ADCY8: variants seen among roughly 807,000 people sequenced by gnomAD.
The protein encoded by ADCY8 is adenylate cyclase type 8.
A neutral mutation model predicts 119.7 loss-of-function variants in ADCY8; 51 were observed. The ratio of observed to expected loss-of-function variants is 0.43; its 90% CI spans 0.34 to 0.54. ADCY8 has a LOEUF of 0.54. ADCY8 is among the 20% of genes least tolerant of loss of function. The pLI is 0.03. For missense variants in ADCY8, 1,383 were observed against 1,598.8 expected (o/e 0.87, Z 2.30); for synonymous variants, 665 against 651.0 (o/e 1.02, Z -0.33).
At chr8:130,893,820 GTGTGTT>G (rs1188240774) in intron 7 of ADCY8, among the ~76,000 whole-genome samples, 1 of 148,956 alleles carries the variant, frequency 6.7e-6, no homozygotes, top group Non-Finnish European at 1.5e-5. Flanking sequence ...TTATGCGTGT[GTGTGTT>G]TGTGGGTGTG....
chr8:130,851,271 T>A (rs565907935), intron 9 of ADCY8, among the ~76,000 whole-genome samples: 1 of 152,238 alleles, frequency 6.6e-6, no homozygotes, highest in Non-Finnish European at 1.5e-5. Context: ...AATGATGAAC[T>A]ATTATATAAT....
intron 2 of ADCY8, among the ~76,000 whole-genome samples, chr8:130,958,724 C>T (rs1170444342): frequency 6.6e-6 from 1 of 152,152 alleles, no homozygotes; most frequent in Non-Finnish European, 1.5e-5. Context: ...TTCCACCTGG[C>T]CCTGCCCTTG....
At chr8:131,010,872 A>G (rs1586653831) in intron 1 of ADCY8, among the ~76,000 whole-genome samples, 1 of 152,236 alleles carries the variant, frequency 6.6e-6, no homozygotes, top group East Asian at 1.9e-4. Context: ...AATATGATAC[A>G]TCCATTTACT....
chr8:131,040,500 A>G lies in ADCY8; in HGVS notation c.-167T>C, dbSNP rs1824358240. ...TAGGGCTCCCTGTAGGTCGGGTCAT[A>G]CTGTGCCCAGGGGCAAAGGGCACCT... is the stretch of plus-strand genomic sequence containing the variant. On this transcript the variant is annotated 5_prime_UTR_variant, in exon 1 of 18. Coordinates refer to ENST00000286355, the MANE Select transcript of ADCY8 (RefSeq NM_001115.3). 1.2e-6 allele frequency: 1 copy of G among 819,720 alleles called. No individual in the cohort carries two copies. The highest frequency in any genetic ancestry group is 1.7e-6 in the Non-Finnish European group (1 of 592,446). The allele number at this position is 819,720 out of a possible 1,614,324, so 50.8% of individuals were successfully genotyped here. A position where few individuals can be genotyped will look rare whatever the true frequency, so the allele number is the denominator to read the frequency against.
Position 130,867,838 on chromosome 8 carries a change from A to T in ADCY8, c.2210+8T>A. On this transcript the variant is annotated splice_region_variant and intron_variant, in intron 9 of 17. Transcript: ENST00000286355. ...TTTCACCAGATCAATTAGTTCTTTT[A>T]CATTTACCTTGAAGAAGGAAGCAAA... 1 of 1,587,700 alleles carries T rather than the reference A, an allele frequency of 6.3e-7. No individual in the cohort carries two copies. Among genetic ancestry groups the T allele is most frequent in the South Asian group, 1.1e-5 (1 of 89,492 alleles).
chr8:130,801,616 G>T (rs1209301765), intron 14 of ADCY8, among the ~76,000 whole-genome samples: 1 of 152,034 alleles, frequency 6.6e-6, no homozygotes, highest in African/African-American at 2.4e-5. Context: ...CTATCAACTA[G>T]GTTCTCTTCC....
intron 2 of ADCY8, among the ~76,000 whole-genome samples, chr8:130,969,274 T>C (rs1213452223): frequency 6.6e-6 from 1 of 152,216 alleles, no homozygotes; most frequent in Admixed American, 6.5e-5. Flanking sequence ...CTGCAGCAGA[T>C]GGCATTTTGA....
intron 12 of ADCY8, among the ~76,000 whole-genome samples, chr8:130,825,945 GA>G (rs2130221230): frequency 6.6e-6 from 1 of 152,246 alleles, no homozygotes; most frequent in South Asian, 2.1e-4. Flanking sequence ...AATTATCCTG[GA>G]GGACTACTTC....
At chr8:130,963,286 T>G (rs927693683) in intron 2 of ADCY8, among the ~76,000 whole-genome samples, 18 of 152,138 alleles carry the variant, frequency 1.2e-4, no homozygotes, top group African/African-American at 2.2e-4. Flanking sequence ...AAACAAACCC[T>G]GTAGTGAAGT....
intron 5 of ADCY8, among the ~76,000 whole-genome samples, chr8:130,915,473 C>T (rs1820099737): frequency 6.6e-6 from 1 of 152,146 alleles, no homozygotes; most frequent in Non-Finnish European, 1.5e-5. Context: ...AGGCATAGAA[C>T]ATGCATTAAA....
chr8:130,888,059 TC>T (rs1262128453), intron 7 of ADCY8, among the ~76,000 whole-genome samples: 1 of 152,094 alleles, frequency 6.6e-6, no homozygotes, highest in African/African-American at 2.4e-5. Context: ...AGCATAAGCT[TC>T]CAAATGTGAT....
chr8:130,970,048 T>C (rs529904189), intron 2 of ADCY8, among the ~76,000 whole-genome samples: 2 of 152,358 alleles, frequency 1.3e-5, no homozygotes, highest in South Asian at 2.1e-4. Context: ...AGTTTCTGAA[T>C]AGTCCCTGGC....
At chr8:130,994,005 G>T (rs1018172620) in intron 1 of ADCY8, among the ~76,000 whole-genome samples, 2 of 152,158 alleles carry the variant, frequency 1.3e-5, no homozygotes, top group Non-Finnish European at 2.9e-5. Flanking sequence ...GATCCTACTT[G>T]TTTAAAATGT....
chr8:130,902,077 G>A (rs1819621093), intron 7 of ADCY8, among the ~76,000 whole-genome samples: 1 of 152,096 alleles, frequency 6.6e-6, no homozygotes, highest in Non-Finnish European at 1.5e-5. Flanking sequence ...ATACAGATTA[G>A]AACATTAAGG....
At chr8:130,789,841 T>C (rs1452937230) in intron 15 of ADCY8, among the ~76,000 whole-genome samples, 1 of 152,138 alleles carries the variant, frequency 6.6e-6, no homozygotes, top group Non-Finnish European at 1.5e-5. Flanking sequence ...AGTTGCAAAA[T>C]TGCGGCCCCT....
rs191028641 is a variant in ADCY8, at chr8:130,825,300, T to C, written c.2676-3880A>G. ...CACTAAACATACTCCTCTTATCTAG[T>C]TGAATTTTGTATCTATTAACCAACC... On this transcript the variant is annotated intron_variant, in intron 12 of 17. Transcript: ENST00000286355. Among the ~76,000 whole-genome samples, 30 of 152,334 alleles carry C rather than the reference T, an allele frequency of 2.0e-4. No individual in the cohort carries two copies. The East Asian group carries it at 5.0e-3, about 25-fold the overall frequency.
intron 5 of ADCY8, among the ~76,000 whole-genome samples, chr8:130,910,616 C>T (rs1009021150): frequency 5.9e-5 from 9 of 152,184 alleles, no homozygotes; most frequent in Admixed American, 1.3e-4. Context: ...CTGGGTCATC[C>T]GTTGAGATGC....
At chr8:130,955,229 T>A (rs964613641) in intron 2 of ADCY8, among the ~76,000 whole-genome samples, 1 of 152,198 alleles carries the variant, frequency 6.6e-6, no homozygotes, top group Admixed American at 6.5e-5. Context: ...GGCCAGGGAC[T>A]GAGTTAAGAG....
intron 2 of ADCY8, among the ~76,000 whole-genome samples, chr8:130,987,789 C>T (rs766524148): frequency 3.3e-5 from 5 of 152,122 alleles, no homozygotes; most frequent in East Asian, 1.9e-4. Context: ...TGGGACCTAA[C>T]GATGATTCTG....
Sources: allele counts gnomAD v4.1 joint callset (sites outside exome capture counted in the v4.1 genomes callset), GRCh38; gene constraint gnomAD v4.1.1; transcripts MANE v1.5; gene names NCBI Gene and HGNC (gene_info 2026-07-23, HGNC 2026-07-21).